The following CCDC186 variants were observed in gnomAD, a reference collection of about 807,000 sequenced individuals.
The protein encoded by CCDC186 is coiled-coil domain-containing protein 186.
In CCDC186, 49 loss-of-function variants were observed where a neutral mutation model predicts 113.7. That is an observed-to-expected ratio of 0.43 (90% confidence interval 0.34 to 0.55). The LOEUF (loss-of-function observed/expected upper bound fraction) is 0.55. Ranked by LOEUF, CCDC186 falls within the 20% of genes least tolerant of loss-of-function variation. CCDC186 has a pLI of 0.02. For missense variants in CCDC186, 890 were observed against 1,011.1 expected (o/e 0.88, Z 1.62); for synonymous variants, 355 against 345.8 (o/e 1.03, Z -0.30).
intron 2 of CCDC186, 24 bp downstream of exon 2, chr10:114,162,613 A>T (rs1564918114): frequency 2.7e-6 from 4 of 1,476,704 alleles, no homozygotes; most frequent in Non-Finnish European, 3.6e-6. Context: ...GAAAAAAAAT[A>T]ACCTAAAGGT....
intron 3 of CCDC186, among the ~76,000 whole-genome samples, chr10:114,156,601 C>T (rs2032017659): frequency 6.6e-6 from 1 of 152,164 alleles, no homozygotes; most frequent in South Asian, 2.1e-4. Flanking sequence ...TTGGTGGCCG[C>T]CTATAATCCC....
At chr10:114,172,939 T>C (rs1379521069) in intron 1 of CCDC186, among the ~76,000 whole-genome samples, 2 of 152,222 alleles carry the variant, frequency 1.3e-5, no homozygotes, top group African/African-American at 4.8e-5. Context: ...GTGTACTTGA[T>C]AGTTGGGAAA....
intron 1 of CCDC186, among the ~76,000 whole-genome samples, chr10:114,172,186 A>G (rs1333253837): frequency 6.6e-6 from 1 of 152,240 alleles, no homozygotes; most frequent in African/African-American, 2.4e-5. Flanking sequence ...AAACTGTTGC[A>G]TGAATTTGAG....
At chr10:114,164,959 G>A (rs773110687) in intron 1 of CCDC186, among the ~76,000 whole-genome samples, 5 of 152,134 alleles carry the variant, frequency 3.3e-5, no homozygotes, top group Admixed American at 2.0e-4. Flanking sequence ...GCACATAGTG[G>A]GTTCTCAAAT....
chr10:114,167,970 T>C (rs2032385106), intron 1 of CCDC186, among the ~76,000 whole-genome samples: 2 of 151,670 alleles, frequency 1.3e-5, no homozygotes. Flanking sequence ...TGAGCAAGAG[T>C]GAGACTCGTT....
At chr10:114,145,923 T>A (rs2031626524) in intron 4 of CCDC186, among the ~76,000 whole-genome samples, 162 bp from the exon 5 acceptor site, 1 of 152,200 alleles carries the variant, frequency 6.6e-6, no homozygotes, top group Admixed American at 6.5e-5. Context: ...AAGAAAAAAT[T>A]TAAAATTATA....
At chr10:114,138,032 G>T (rs1055863988) in intron 6 of CCDC186, among the ~76,000 whole-genome samples, 4 of 75,286 alleles carry the variant, frequency 5.3e-5, no homozygotes, top group Admixed American at 2.2e-4. Context: ...AGTGAAACTC[G>T]GTCTCAAAAA....
At chr10:114,134,517 A>C (rs2031193394) in intron 10 of CCDC186, among the ~76,000 whole-genome samples, 1 of 152,206 alleles carries the variant, frequency 6.6e-6, no homozygotes, top group Admixed American at 6.5e-5. Flanking sequence ...AGTTTACTTA[A>C]ATGGTTTTAT....
intron 1 of CCDC186, among the ~76,000 whole-genome samples, chr10:114,171,768 T>C (rs1459058202): frequency 6.6e-6 from 1 of 152,216 alleles, no homozygotes; most frequent in African/African-American, 2.4e-5. Context: ...ATAGTCTACA[T>C]AATCCCACAA....
chr10:114,155,145 G>A (rs1209851680), intron 3 of CCDC186, among the ~76,000 whole-genome samples: 2 of 152,198 alleles, frequency 1.3e-5, no homozygotes, highest in East Asian at 3.8e-4. Flanking sequence ...TTGGGGTGAT[G>A]ACATGTTCTA....
intron 12 of CCDC186, chr10:114,130,638 T>C (rs2031057527): frequency 6.6e-6 from 1 of 152,114 alleles, no homozygotes; most frequent in Non-Finnish European, 1.5e-5. Flanking sequence ...AGAGGACGCA[T>C]CTCGGGTATC....
chr10:114,168,916 C>T (rs185965019), intron 1 of CCDC186, among the ~76,000 whole-genome samples: 1 of 152,264 alleles, frequency 6.6e-6, no homozygotes, highest in East Asian at 1.9e-4. Flanking sequence ...TGCAAAGGTA[C>T]TAAGAGATAC....
At chr10:114,139,358 T>C (rs760029413) in intron 6 of CCDC186, among the ~76,000 whole-genome samples, 1 of 151,652 alleles carries the variant, frequency 6.6e-6, no homozygotes, top group Non-Finnish European at 1.5e-5. Context: ...AGGTCAGGAG[T>C]TGAAGACCAA....
intron 13 of CCDC186, among the ~76,000 whole-genome samples, chr10:114,128,512 C>A (rs561602676): frequency 6.6e-6 from 1 of 152,228 alleles, no homozygotes; most frequent in African/African-American, 2.4e-5. Context: ...ATATAGTGTA[C>A]TGCCAAGCAA....
intron 3 of CCDC186, among the ~76,000 whole-genome samples, chr10:114,157,048 T>C (rs2032030227): frequency 6.6e-6 from 1 of 152,110 alleles, no homozygotes; most frequent in South Asian, 2.1e-4. Flanking sequence ...AGAATAAACT[T>C]ACATAAAAGG....
At chr10:114,165,956 G>A (rs2032325800) in intron 1 of CCDC186, 1 of 983,446 alleles carries the variant, frequency 1.0e-6, no homozygotes, top group African/African-American at 1.8e-5. Context: ...AAAACAATGA[G>A]TTTGTGACTT....
chr10:114,138,071 AAAT>A (rs2031331978), intron 6 of CCDC186, among the ~76,000 whole-genome samples: 5 of 51,116 alleles, frequency 9.8e-5, no homozygotes, highest in African/African-American at 1.3e-4. Flanking sequence ...AAAAAAAAAA[AAAT>A]AAAAAAAATA....
chr10:114,141,489 C>T (rs2031464958), intron 6 of CCDC186, among the ~76,000 whole-genome samples: 1 of 152,170 alleles, frequency 6.6e-6, no homozygotes, highest in Non-Finnish European at 1.5e-5. Context: ...CTGGGGGCTG[C>T]TTGATGCAGC....
chr10:114,130,250 C>T, intron 12 of CCDC186: 1 of 208,434 alleles, frequency 4.8e-6, no homozygotes, highest in Non-Finnish European at 9.6e-6. Context: ...TTAGAAGTTC[C>T]TTACAGTACC....
Sources: allele counts gnomAD v4.1 joint callset (sites outside exome capture counted in the v4.1 genomes callset), GRCh38; gene constraint gnomAD v4.1.1; transcripts MANE v1.5; gene names NCBI Gene and HGNC (gene_info 2026-07-23, HGNC 2026-07-21).